Variants in BAZ2B observed in about 807,000 individuals in gnomAD.
The protein encoded by BAZ2B is bromodomain adjacent to zinc finger domain protein 2B.
A neutral mutation model predicts 246.0 loss-of-function variants in BAZ2B; 91 were observed. That is an observed-to-expected ratio of 0.37 (90% confidence interval 0.31 to 0.44). The LOEUF (loss-of-function observed/expected upper bound fraction) is 0.44, where lower values mean the gene tolerates loss of function less well. BAZ2B is among the 20% of genes least tolerant of loss of function. The pLI, the probability that BAZ2B is intolerant of heterozygous loss-of-function variation, is 1.00. For missense variants in BAZ2B, 2,332 were observed against 2,533.7 expected, an observed-to-expected ratio of 0.92 and a Z score of 1.71; for synonymous variants, 855 against 860.0, an observed-to-expected ratio of 0.99 and a Z score of 0.10.
At chr2:159,502,685 T>C (rs770586157) in intron 2 of BAZ2B, among the ~76,000 whole-genome samples, 5 of 152,110 alleles carry the variant, frequency 3.3e-5, no homozygotes, top group Non-Finnish European at 5.9e-5. Flanking sequence ...AGAATGCCAT[T>C]TGACTTAATG....
At chr2:159,476,961 T>C (rs1353216790) in intron 3 of BAZ2B, among the ~76,000 whole-genome samples, 1 of 152,198 alleles carries the variant, frequency 6.6e-6, no homozygotes, top group African/African-American at 2.4e-5. Flanking sequence ...ACTTGTTAAT[T>C]ACTTGATGAA....
the BAZ2B span, among the ~76,000 whole-genome samples, chr2:159,684,994 T>A: frequency 6.6e-6 from 1 of 152,202 alleles, no homozygotes; most frequent in African/African-American, 2.4e-5. Context: ...TGGGTGGAGG[T>A]ATCTTTGCAT....
chr2:159,654,439 AG>A, the BAZ2B span, among the ~76,000 whole-genome samples: 1 of 152,202 alleles, frequency 6.6e-6, no homozygotes, highest in Non-Finnish European at 1.5e-5. Context: ...AGAGAATCCA[AG>A]ACAAAAAAAC....
intron 31 of BAZ2B, among the ~76,000 whole-genome samples, chr2:159,345,010 G>A (rs1191237007): frequency 1.3e-5 from 2 of 152,086 alleles, no homozygotes; most frequent in Admixed American, 1.3e-4. Flanking sequence ...GGGAGTTTGA[G>A]ACCAGCCTGA....
chr2:159,538,591 T>C (rs1367042560), intron 2 of BAZ2B, among the ~76,000 whole-genome samples: 3 of 152,190 alleles, frequency 2.0e-5, no homozygotes, highest in Non-Finnish European at 4.4e-5. Flanking sequence ...TGCTTAATAT[T>C]ATGGCAAAAA....
rs2149283927 is a variant in BAZ2B at position 159,361,078 on chromosome 2, A to G, written c.4214-10721T>C. Among the ~76,000 whole-genome samples, 3 of 152,230 alleles carry G rather than the reference A, an allele frequency of 2.0e-5. No homozygotes were observed. The South Asian group carries it at 6.3e-4, about 32-fold the overall frequency. The stretch of plus-strand genomic sequence containing the variant: ...TAACTAAAACACTAAAAGCAATGGC[A>G]ACAAAAGCCAAAATTGACAAATGGG... On this transcript the variant is annotated intron_variant, in intron 27 of 36. Transcript: ENST00000392783.
At chr2:159,563,764 C>A (rs1559784133) in intron 1 of BAZ2B, among the ~76,000 whole-genome samples, 1 of 152,140 alleles carries the variant, frequency 6.6e-6, no homozygotes, top group Admixed American at 6.5e-5. Context: ...AATGAATATA[C>A]TTAATGCCAC....
At chr2:159,400,949 C>G (rs1389148781) in intron 16 of BAZ2B, among the ~76,000 whole-genome samples, 5 of 151,978 alleles carry the variant, frequency 3.3e-5, no homozygotes, top group Admixed American at 3.3e-4. Context: ...GAGGCTGAGG[C>G]AGGAGAATGG....
At chr2:159,685,403 AT>A in the BAZ2B span, among the ~76,000 whole-genome samples, 1 of 152,030 alleles carries the variant, frequency 6.6e-6, no homozygotes, top group African/African-American at 2.4e-5. Flanking sequence ...AGCTCTTAAA[AT>A]TTTTTTTGCA....
intron 3 of BAZ2B, among the ~76,000 whole-genome samples, chr2:159,456,071 A>G (rs1448180108): frequency 6.6e-6 from 1 of 151,950 alleles, no homozygotes; most frequent in Non-Finnish European, 1.5e-5. Flanking sequence ...CAATTCCTAA[A>G]TTATATCAAT....
rs1385929194 is a variant in BAZ2B at position 159,590,579 on chromosome 2, AAAACTCCGACTC to A, written c.-46+25651_-46+25662del. On this transcript the variant is annotated intron_variant, in intron 1 of 36. Coordinates refer to ENST00000392783, the MANE Select transcript of BAZ2B (RefSeq NM_013450.4). ...TTCACTCCAGCCTAGGAGAAAGAACAAAACTCCGACTCAAAATAAATAAATAAATAAATAGAT... is the reference window on the plus strand; with the variant it reads ...TTCACTCCAGCCTAGGAGAAAGAACAAAAATAAATAAATAAATAAATAGAT... 3.4e-5 allele frequency among the ~76,000 whole-genome samples: 5 copies of A among 148,588 alleles called. No individual in the cohort carries two copies. The Admixed American group carries it at 3.4e-4, about 10-fold the overall frequency.
Position 159,349,059 on chromosome 2 carries a change from A to G in BAZ2B, c.5085T>C (p.Ala1695=). 6.2e-7 allele frequency: 1 copy of G among 1,614,166 alleles called. No individual in the cohort carries two copies. The highest frequency in any genetic ancestry group is 8.5e-7 in the Non-Finnish European group (1 of 1,179,998). ...AATCTACTGGTTTTGCTACTTCAAC[A>G]GCTGCAGGTTGAGCTGAAGTGGCCT... The part of the protein sequence containing the change: ...NEKATSAQPA[A]VEVAKPVDFP... Residue 1695 remains alanine, a synonymous_variant, in exon 29 of 37, where the codon GCT becomes GCC. Transcript: ENST00000392783.
At chr2:159,574,198 G>T (rs573839888) in intron 1 of BAZ2B, among the ~76,000 whole-genome samples, 2 of 151,440 alleles carry the variant, frequency 1.3e-5, no homozygotes, top group Non-Finnish European at 2.9e-5. Context: ...TGGGCAAAGG[G>T]TTTGAATAGA....
At chr2:159,450,716 A>T (rs76320590) in intron 4 of BAZ2B, among the ~76,000 whole-genome samples, 3,859 of 151,966 alleles carry the variant, frequency 0.025, 139 homozygotes, top group African/African-American at 0.087. Context: ...CAAAAGAAAG[A>T]ACAGCATAGT....
intron 2 of BAZ2B, among the ~76,000 whole-genome samples, chr2:159,546,584 A>T (rs556896582): frequency 1.3e-5 from 2 of 150,558 alleles, no homozygotes; most frequent in South Asian, 4.3e-4. Flanking sequence ...CACTTAATAC[A>T]AGTGAACCAT....
intron 21 of BAZ2B, 89 bp from the exon 22 acceptor site, chr2:159,386,696 C>T (rs1269571479): frequency 7.2e-7 from 1 of 1,390,448 alleles, no homozygotes; most frequent in Non-Finnish European, 9.5e-7. Flanking sequence ...AAATAAGCTG[C>T]TACCTTTTTT....
chr2:159,395,911 A>AAAAAC, intron 19 of BAZ2B, 77 bp from the exon 20 acceptor site: 1 of 1,349,062 alleles, frequency 7.4e-7, no homozygotes, highest in South Asian at 1.3e-5. Flanking sequence ...AAACAAAAAC[A>AAAAAC]AAAACAAAAC....
At chr2:159,434,807 G>A (rs1222410533) in intron 8 of BAZ2B, 4 of 151,958 alleles carry the variant, frequency 2.6e-5, no homozygotes, top group Admixed American at 6.6e-5. Context: ...TAATATTCCC[G>A]AGTAAACAAT....
intron 13 of BAZ2B, among the ~76,000 whole-genome samples, chr2:159,415,315 T>A (rs972082647): frequency 6.6e-6 from 1 of 151,678 alleles, no homozygotes; most frequent in Admixed American, 6.6e-5. Flanking sequence ...CGTGGTGGTG[T>A]GCACCTGTAG....
Sources: allele counts gnomAD v4.1 joint callset (sites outside exome capture counted in the v4.1 genomes callset), GRCh38; gene constraint gnomAD v4.1.1; transcripts MANE v1.5; gene names NCBI Gene and HGNC (gene_info 2026-07-23, HGNC 2026-07-21).